SEMA3C: variants seen among roughly 807,000 people sequenced by gnomAD.
SEMA3C encodes semaphorin-3C.
SEMA3C carries 47 observed loss-of-function variants against 89.4 expected under a neutral mutation model. That is an observed-to-expected ratio of 0.53 (90% CI 0.42 to 0.67). The LOEUF (loss-of-function observed/expected upper bound fraction) is 0.67. Among genes scored for constraint, SEMA3C ranks in the 30% least tolerant of loss-of-function variants. SEMA3C has a pLI of 0.00. For synonymous variants in SEMA3C, 310 were observed against 320.2 expected (o/e 0.97, Z 0.34); for missense variants, 839 against 929.1 (o/e 0.90, Z 1.26).
intron 2 of SEMA3C, among the ~76,000 whole-genome samples, chr7:80,893,428 C>T (rs1791662527): frequency 6.6e-6 from 1 of 152,120 alleles, no homozygotes; most frequent in East Asian, 1.9e-4. Context: ...GTACTCTTTC[C>T]AGGTACAACT....
rs200064632 is a variant in SEMA3C at position 80,758,411 on chromosome 7, A to G, written c.1563T>C (p.Cys521=). Residue 521 remains cysteine (C), a synonymous_variant, in exon 15 of 18, where the codon TGT becomes TGC. Transcript: ENST00000265361. ...LHRCHIYGTA[C]ADCCLARDPY... is the part of the protein sequence containing the mutation. ...GGTCCCGCGCCAGGCAGCAGTCAGC[A>G]CAGGCTGTACCATAGATGTGGCAGC... is the stretch of plus-strand genomic sequence containing the variant. 1 of 1,614,160 alleles carries G rather than the reference A, an allele frequency of 6.2e-7. No individual in the cohort carries two copies. The highest frequency in any genetic ancestry group is 2.2e-5 in the East Asian group (1 of 44,878).
chr7:80,820,940 T>C (rs1583910009), intron 4 of SEMA3C, among the ~76,000 whole-genome samples: 1 of 152,292 alleles, frequency 6.6e-6, no homozygotes, highest in East Asian at 1.9e-4. Context: ...GTCTCTCTCA[T>C]CTTGGGTCTT....
At chr7:80,825,727 C>T (rs545872830) in intron 4 of SEMA3C, among the ~76,000 whole-genome samples, 10 of 152,054 alleles carry the variant, frequency 6.6e-5, no homozygotes, top group South Asian at 2.1e-4. Flanking sequence ...AGTATAGCCA[C>T]GGGATATTAT....
intron 2 of SEMA3C, among the ~76,000 whole-genome samples, chr7:80,895,819 T>C (rs1477993138): frequency 2.0e-5 from 3 of 152,144 alleles, no homozygotes; most frequent in African/African-American, 7.2e-5. Flanking sequence ...GATGATTCAA[T>C]TTAGGGCTGT....
chr7:80,812,361 T>C (rs924444106), intron 5 of SEMA3C, among the ~76,000 whole-genome samples: 1 of 152,318 alleles, frequency 6.6e-6, no homozygotes, highest in East Asian at 1.9e-4. Context: ...AGGCTGATAA[T>C]AGCACAATTT....
intron 2 of SEMA3C, among the ~76,000 whole-genome samples, chr7:80,841,881 G>T (rs1356687898): frequency 1.3e-5 from 2 of 152,062 alleles, no homozygotes; most frequent in African/African-American, 4.8e-5. Context: ...ATTTCAATGT[G>T]ACTCATTGTT....
At chr7:80,746,478 T>TAAA (rs1404190089) in intron 17 of SEMA3C, among the ~76,000 whole-genome samples, 1 of 152,092 alleles carries the variant, frequency 6.6e-6, no homozygotes, top group East Asian at 1.9e-4. Flanking sequence ...ATTGGGAAAA[T>TAAA]ATTTTGAGTC....
chr7:80,785,557 A>G (rs1410797619), intron 12 of SEMA3C, among the ~76,000 whole-genome samples: 5 of 152,154 alleles, frequency 3.3e-5, no homozygotes, highest in African/African-American at 1.2e-4. Context: ...TGGGACAATG[A>G]CCTGTGATTC....
chr7:80,857,131 G>T (rs1204717342), intron 2 of SEMA3C, among the ~76,000 whole-genome samples: 8 of 151,988 alleles, frequency 5.3e-5, no homozygotes, highest in Non-Finnish European at 1.2e-4. Flanking sequence ...CTCCACCTTT[G>T]CCTTTCATTA....
chr7:80,905,994 A>G (rs1792005946), intron 2 of SEMA3C: 1 of 820,300 alleles, frequency 1.2e-6, no homozygotes, highest in Admixed American at 2.5e-5. Flanking sequence ...CTTTGTAAGG[A>G]AGCTGGGTGA....
In SEMA3C at chr7:80,827,405, T is replaced by TC; in HGVS notation, c.327+19_327+20insG. 2 of 1,496,988 alleles carry TC rather than the reference T, an allele frequency of 1.3e-6. No individual in the cohort carries two copies. Among genetic ancestry groups the TC allele is most frequent in the Non-Finnish European group, 8.9e-7 (1 of 1,129,174 alleles). 92.7% of individuals were successfully genotyped at this position (1,496,988 alleles called of 1,614,324 possible). A position where few individuals can be genotyped will look rare whatever the true frequency, so the allele number is the denominator to read the frequency against. On this transcript the variant is annotated intron_variant, in intron 4 of 17. Transcript: ENST00000265361. Reference sequence around the variant, plus strand: ...ATTTAAGTTAGTGTTTTTTTTTTTTTTTTTTTTTTTAACACTTACTGTGGG... The same window carrying TC: ...ATTTAAGTTAGTGTTTTTTTTTTTTTCTTTTTTTTTTAACACTTACTGTGGG...
intron 2 of SEMA3C, among the ~76,000 whole-genome samples, chr7:80,864,123 TAAGTG>T (rs1262918981): frequency 1.3e-5 from 2 of 152,042 alleles, no homozygotes; most frequent in South Asian, 2.1e-4. Context: ...ACTACTATTC[TAAGTG>T]AAGTAACACA....
At chr7:80,758,295 T>C in intron 15 of SEMA3C, 36 bp downstream of exon 15, 9 of 1,592,794 alleles carry the variant, frequency 5.7e-6, no homozygotes, top group Non-Finnish European at 7.7e-6. Context: ...TCTGGTGTCC[T>C]ACATTTGGAT....
At chr7:80,806,286 A>T (rs1015732620) in intron 6 of SEMA3C, among the ~76,000 whole-genome samples, 1 of 152,154 alleles carries the variant, frequency 6.6e-6, no homozygotes, top group Non-Finnish European at 1.5e-5. Context: ...AAAAGTTCTT[A>T]ACACATATTA....
chr7:80,797,582 A>C (rs1478081476), intron 11 of SEMA3C, among the ~76,000 whole-genome samples: 4 of 152,312 alleles, frequency 2.6e-5, no homozygotes, highest in Non-Finnish European at 1.5e-5. Flanking sequence ...ATTTGCTTAC[A>C]CATACATTTT....
Position 80,805,787 on chromosome 7 carries a change from T to C in SEMA3C, c.539-29A>G, listed in dbSNP as rs769857711. The C allele has an allele frequency of 3.3e-6, 5 of 1,532,520 alleles. No homozygotes were observed. The South Asian group carries it at 5.8e-5, about 18-fold the overall frequency. 94.9% of individuals were successfully genotyped at this position (1,532,520 alleles called of 1,614,324 possible). On this transcript the variant is annotated intron_variant, in intron 6 of 17. Coordinates refer to ENST00000265361, the MANE Select transcript of SEMA3C (RefSeq NM_006379.5). ...TGAAAAAGAAAATATCAATGAAATG[T>C]AAATTTTTAAAGCTATTTTGAAATT...
intron 12 of SEMA3C, among the ~76,000 whole-genome samples, chr7:80,770,443 G>A (rs1318153039): frequency 6.6e-6 from 1 of 152,214 alleles, no homozygotes; most frequent in Non-Finnish European, 1.5e-5. Context: ...CCTTGGGGAA[G>A]GCACCATGTC....
chr7:80,805,088 T>C (rs1283467068), intron 7 of SEMA3C, among the ~76,000 whole-genome samples: 3 of 152,086 alleles, frequency 2.0e-5, no homozygotes, highest in Admixed American at 2.0e-4. Flanking sequence ...TGGAGGCAAC[T>C]GAATATGGAT....
chr7:80,905,851 C>A, intron 2 of SEMA3C: 2 of 1,289,636 alleles, frequency 1.6e-6, no homozygotes, highest in South Asian at 1.2e-5. Context: ...TTGCTGAGGA[C>A]CAAATTCACG....
Sources: allele counts gnomAD v4.1 joint callset (sites outside exome capture counted in the v4.1 genomes callset), GRCh38; gene constraint gnomAD v4.1.1; transcripts MANE v1.5; gene names NCBI Gene and HGNC (gene_info 2026-07-23, HGNC 2026-07-21).